The following CCDC88B variants were observed in gnomAD, a reference collection of about 807,000 sequenced individuals.
CCDC88B encodes coiled-coil domain-containing protein 88B.
CCDC88B carries 138 observed loss-of-function variants against 183.7 expected under a neutral mutation model. The observed-to-expected ratio is 0.75, with a 90% CI of 0.65 to 0.87. CCDC88B has a LOEUF of 0.87. CCDC88B is among the 40% of genes least tolerant of loss of function. The pLI, the probability that CCDC88B is intolerant of heterozygous loss-of-function variation, is 0.00. For missense variants in CCDC88B, 1,822 were observed against 1,965.6 expected (o/e 0.93, Z 1.38); for synonymous variants, 835 against 867.5 (o/e 0.96, Z 0.66).
At position 64,352,828 on chromosome 11, in the gene CCDC88B, T is replaced by A; in HGVS notation, c.3441T>A (p.Asp1147Glu). 1 of 1,612,788 alleles carries A rather than the reference T, an allele frequency of 6.2e-7. No individual in the cohort carries two copies. Among genetic ancestry groups the A allele is most frequent in the Non-Finnish European group, 8.5e-7 (1 of 1,179,738 alleles). The change falls in exon 20 of 27, where the codon GAT (aspartate) becomes GAA (glutamate). Residue 1147 changes from aspartate (D) to glutamate (E), a missense_variant. By Grantham distance (45) the Asp-to-Glu change is conservative. Transcript: ENST00000356786. ...CAGAGCGTGAACGCCTGATGCAAGA[T>A]GGGCATCGGCAGCGGGGCCTGGAGG... Reference protein sequence around the residue: ...LLAERERLMQDGHRQRGLEEE... With the variant: ...LLAERERLMQEGHRQRGLEEE...
Position 64,353,778 on chromosome 11 carries a change from C to G in CCDC88B, c.3897C>G (p.Tyr1299Ter). 2.5e-6 allele frequency: 4 copies of G among 1,614,102 alleles called. No homozygotes were observed. Among genetic ancestry groups the G allele is most frequent in the Non-Finnish European group, 3.4e-6 (4 of 1,179,976 alleles). The change falls in exon 23 of 27, where the codon TAC (tyrosine) becomes TAG (stop). Residue 1299 changes from tyrosine to a stop codon, truncating the protein, a stop_gained. Transcript: ENST00000356786. LOFTEE classifies it high-confidence loss of function. ...TCGTGGAGAAGATCATGGACCAATA[C>G]CGCGTGCTGGAGCCTGTGCCCCTGC... ...QKLVEKIMDQ[Y>*]RVLEPVPLPR...
Position 64,355,304 on chromosome 11 carries a change from C to G in CCDC88B, c.4210C>G (p.Arg1404Gly). 6.3e-7 allele frequency: 1 copy of G among 1,591,796 alleles called. No homozygotes were observed. Among genetic ancestry groups the G allele is most frequent in the Non-Finnish European group, 8.5e-7 (1 of 1,170,018 alleles). The change falls in exon 25 of 27, where the codon CGA (arginine) becomes GGA (glycine). Residue 1404 changes from arginine to glycine, a missense_variant. Arg to Gly is a moderately radical substitution (Grantham distance 125). Coordinates refer to ENST00000356786, the MANE Select transcript of CCDC88B (RefSeq NM_032251.6). Reference sequence around the variant, plus strand: ...ACTCAGCTCAAGGTTCCCGGTGGGGCGAAGCTCTGAGTCATTCAGCCCTGG... The same window carrying G: ...ACTCAGCTCAAGGTTCCCGGTGGGGGGAAGCTCTGAGTCATTCAGCCCTGG... Reference protein sequence around the residue: ...RKLSSRFPVGRSSESFSPGDT... With the variant: ...RKLSSRFPVGGSSESFSPGDT...
At chr11:64,353,974 T>C in intron 23 of CCDC88B, 30 bp from the exon 24 acceptor site, 1 of 1,526,916 alleles carries the variant, frequency 6.5e-7, no homozygotes, top group South Asian at 1.3e-5. Context: ...CTCCCTGTCC[T>C]GACCCCCTCT....
Position 64,342,585 on chromosome 11 carries a change from C to T in CCDC88B, c.967C>T (p.Arg323Trp). 1 of 1,531,096 alleles carries T rather than the reference C, an allele frequency of 6.5e-7. No homozygotes were observed. The highest frequency in any genetic ancestry group is 8.7e-7 in the Non-Finnish European group (1 of 1,145,226). The allele number at this position is 1,531,096 out of a possible 1,614,324, so 94.8% of individuals were successfully genotyped here. A position where few individuals can be genotyped will look rare whatever the true frequency, so the allele number is the denominator to read the frequency against. Residue 323 changes from arginine to tryptophan, a missense_variant, in exon 10 of 27, where the codon CGG becomes TGG. Arg to Trp is a moderately radical substitution (Grantham distance 101). Coordinates refer to ENST00000356786, the MANE Select transcript of CCDC88B (RefSeq NM_032251.6). ...ELYREEAEAL[R>W]ERAGRLPRLQ... is the part of the protein sequence containing the mutation. The stretch of plus-strand genomic sequence containing the variant: ...GTACCGCGAGGAGGCAGAGGCGCTG[C>T]GGGAGCGGGCCGGCCGCCTGCCCCG...
chr11:64,351,250 C>G lies in CCDC88B; in HGVS notation c.2953C>G (p.Arg985Gly). Residue 985 changes from arginine (R) to glycine (G), a missense_variant, in exon 17 of 27, where the codon CGC becomes GGC. Arg to Gly is a moderately radical substitution (Grantham distance 125). Coordinates refer to ENST00000356786, the MANE Select transcript of CCDC88B (RefSeq NM_032251.6). ...TQNVRLIEVE[R>G]SNAMLVAEKA... ...GAATGTGCGGCTTATTGAGGTGGAG[C>G]GCAGTGTGAGTGTGGGCCCACAGTG... The G allele has an allele frequency of 6.6e-7, 1 of 1,524,372 alleles. No homozygotes were observed. The highest frequency in any genetic ancestry group is 1.3e-5 in the South Asian group (1 of 79,822). The allele number at this position is 1,524,372 out of a possible 1,614,324, so 94.4% of individuals were successfully genotyped here. A position where few individuals can be genotyped will look rare whatever the true frequency, so the allele number is the denominator to read the frequency against.
intron 18 of CCDC88B, 67 bp from the exon 19 acceptor site, chr11:64,352,063 C>G (rs201081167): frequency 1.7e-4 from 260 of 1,513,028 alleles, no homozygotes; most frequent in Admixed American, 2.2e-4. Context: ...CTTAGCCCCC[C>G]GCCTCTCACT....
chr11:64,350,968 G>A (rs1263404072), intron 16 of CCDC88B, among the ~76,000 whole-genome samples, 192 bp from the exon 17 acceptor site: 3 of 152,218 alleles, frequency 2.0e-5, no homozygotes, highest in Non-Finnish European at 4.4e-5. Flanking sequence ...AGTTGAGAAG[G>A]GCAGGGTGGT....
chr11:64,352,484 C>T, intron 19 of CCDC88B, 98 bp downstream of exon 19: 1 of 1,432,814 alleles, frequency 7.0e-7, no homozygotes, highest in East Asian at 2.5e-5. Context: ...GAAGCACCTC[C>T]ACCTCCGCTC....
intron 5 of CCDC88B, 21 bp from the exon 6 acceptor site, chr11:64,341,400 C>T (rs1178604997): frequency 1.9e-6 from 3 of 1,613,982 alleles, no homozygotes; most frequent in East Asian, 4.5e-5. Context: ...TGCACCAGCT[C>T]CCCTTCCTGT....
intron 18 of CCDC88B, 45 bp from the exon 19 acceptor site, chr11:64,352,085 C>T (rs778471063): frequency 4.6e-6 from 7 of 1,514,362 alleles, no homozygotes; most frequent in East Asian, 2.3e-5. Flanking sequence ...GATTTCCAGC[C>T]AGGGGTTCCT....
chr11:64,355,099 A>C, intron 24 of CCDC88B, 95 bp from the exon 25 acceptor site: 1 of 357,960 alleles, frequency 2.8e-6, no homozygotes, highest in Non-Finnish European at 3.6e-6. Context: ...TCCCTGCGTG[A>C]GCCTCAGCCT....
chr11:64,345,018 G>T lies in CCDC88B; in HGVS notation c.2477G>T (p.Arg826Met). The T allele has an allele frequency of 6.5e-7, 1 of 1,547,412 alleles. No homozygotes were observed. The highest frequency in any genetic ancestry group is 8.7e-7 in the Non-Finnish European group (1 of 1,148,348). ...CTGGCAGCAGCGGGCCGGGAGCGGA[G>T]GCAGTGGGAGCGTGAGGGGTCCAGG... Reference protein sequence around the residue: ...EALAAAGRERRQWEREGSRLR... With the variant: ...EALAAAGRERMQWEREGSRLR... The change falls in exon 14 of 27, where the codon AGG (arginine) becomes ATG (methionine). Residue 826 changes from arginine to methionine, a missense_variant. By Grantham distance (91) the Arg-to-Met change is moderately conservative. Coordinates refer to ENST00000356786, the MANE Select transcript of CCDC88B (RefSeq NM_032251.6).
At chr11:64,343,457 C>G (rs143193161) in intron 11 of CCDC88B, 50 bp from the exon 12 acceptor site, 2 of 1,543,250 alleles carry the variant, frequency 1.3e-6, no homozygotes, top group South Asian at 2.4e-5. Flanking sequence ...CCTACACACT[C>G]GGCCTGGCCA....
rs542449461 is a variant in CCDC88B at position 64,351,436 on chromosome 11, C to T, written c.2959-40C>T. ...GCCTGTGGTAGGCACTAGGGGGTGC[C>T]CCCGCCACCTGGCTATTGCTAACCC... On this transcript the variant is annotated intron_variant, in intron 17 of 26. Coordinates refer to ENST00000356786, the MANE Select transcript of CCDC88B (RefSeq NM_032251.6). 1.9e-6 allele frequency: 3 copies of T among 1,560,722 alleles called. No homozygotes were observed. The South Asian group carries it at 3.5e-5, about 18-fold the overall frequency.
chr11:64,342,932 G>C, intron 10 of CCDC88B: 1 of 531,454 alleles, frequency 1.9e-6, no homozygotes. Flanking sequence ...CGGGGGGGAG[G>C]GGCGGGGCAT....
intron 8 of CCDC88B, 40 bp downstream of exon 8, chr11:64,342,179 G>A: frequency 1.9e-6 from 3 of 1,599,072 alleles, no homozygotes; most frequent in Non-Finnish European, 2.6e-6. Context: ...GAGTGGAGAG[G>A]GGCAGATTAA....
In CCDC88B at chr11:64,353,423, C is replaced by A; in HGVS notation, c.3760C>A (p.Arg1254=). The change falls in exon 22 of 27, where the codon CGG becomes AGG. Residue 1254 remains arginine (R), a synonymous_variant. Coordinates refer to ENST00000356786, the MANE Select transcript of CCDC88B (RefSeq NM_032251.6). ...QLLAEVQALS[R]ENRELLERSL... ...GCTGGCTGAAGTTCAGGCCCTGAGC[C>A]GGGAGAACAGGGAGCTCCTGGAGCG... 1 of 1,613,304 alleles carries A rather than the reference C, an allele frequency of 6.2e-7. No individual in the cohort carries two copies. Among genetic ancestry groups the A allele is most frequent in the Non-Finnish European group, 8.5e-7 (1 of 1,179,968 alleles).
At chr11:64,350,105 G>A in intron 16 of CCDC88B, 1 of 197,286 alleles carries the variant, frequency 5.1e-6, no homozygotes, top group Non-Finnish European at 1.1e-5. Context: ...AAGAAAACAG[G>A]TGACAATAAC....
rs1345086077 is a variant in CCDC88B at position 64,352,868 on chromosome 11, C to G, written c.3481C>G (p.Leu1161Val). The G allele has an allele frequency of 6.2e-7, 1 of 1,602,702 alleles. No homozygotes were observed. Among genetic ancestry groups the G allele is most frequent in the Non-Finnish European group, 8.5e-7 (1 of 1,175,764 alleles). ...GGGCCTGGAGGAGGAGCTGCGGAGGCTTCAGAGCGAGCACGACAGGTGCCG... is the reference window on the plus strand; with the variant it reads ...GGGCCTGGAGGAGGAGCTGCGGAGGGTTCAGAGCGAGCACGACAGGTGCCG... ...QRGLEEELRR[L>V]QSEHDRAQML... Residue 1161 changes from leucine (L) to valine (V), a missense_variant, in exon 20 of 27, where the codon CTT becomes GTT. Transcript: ENST00000356786.
Sources: allele counts gnomAD v4.1 joint callset (sites outside exome capture counted in the v4.1 genomes callset), GRCh38; gene constraint gnomAD v4.1.1; transcripts MANE v1.5; gene names NCBI Gene and HGNC (gene_info 2026-07-23, HGNC 2026-07-21).